The following GABRA2 variants were observed in gnomAD, a reference collection of about 807,000 sequenced individuals.
GABRA2 encodes gamma-aminobutyric acid receptor subunit alpha-2.
A neutral mutation model predicts 48.7 loss-of-function variants in GABRA2; 16 were observed. The observed-to-expected ratio is 0.33, with a 90% confidence interval of 0.22 to 0.50. The LOEUF is 0.50. Among genes scored for constraint, GABRA2 ranks in the 20% least tolerant of loss-of-function variants. The probability of loss-of-function intolerance (pLI) is 0.98; values close to 1 mark genes in which losing one functional copy is unlikely to be tolerated. For missense variants in GABRA2, 275 were observed against 535.6 expected (o/e 0.51, Z 4.80); for synonymous variants, 185 against 184.5 (o/e 1.00, Z -0.02).
intron 3 of GABRA2, among the ~76,000 whole-genome samples, chr4:46,343,630 C>G (rs1255243160): frequency 1.3e-5 from 2 of 151,934 alleles, no homozygotes; most frequent in Admixed American, 6.6e-5. Context: ...GAAACAGGCA[C>G]AGCTAACATG....
At chr4:46,285,051 G>T (rs1202307977) in intron 8 of GABRA2, among the ~76,000 whole-genome samples, 3 of 140,630 alleles carry the variant, frequency 2.1e-5, no homozygotes, top group African/African-American at 7.9e-5. Flanking sequence ...AAAAACCTCA[G>T]AAAACATTGA....
intron 8 of GABRA2, among the ~76,000 whole-genome samples, chr4:46,269,619 A>T (rs1718898598): frequency 6.6e-6 from 1 of 151,908 alleles, no homozygotes; most frequent in African/African-American, 2.4e-5. Flanking sequence ...TAGTAAAAAA[A>T]ATCAGAAAAG....
chr4:46,258,224 T>TGTAC lies in GABRA2; in HGVS notation c.1059+3698_1059+3701dup, dbSNP rs1250891211. On this transcript the variant is annotated intron_variant, in intron 9 of 9. Transcript: ENST00000381620. ...TGAGCACCTAATACATGTAAGAACC[T>TGTAC]GTACAAAATGCCAGAAAGAAGTGAT... Among the ~76,000 whole-genome samples, 13 of 151,880 alleles carry TGTAC rather than the reference T, an allele frequency of 8.6e-5. No homozygotes were observed. In the South Asian group the frequency reaches 2.7e-3, roughly 31 times the overall value.
At chr4:46,378,033 TG>T (rs1207127092) in intron 3 of GABRA2, among the ~76,000 whole-genome samples, 1 of 107,272 alleles carries the variant, frequency 9.3e-6, no homozygotes, top group Non-Finnish European at 1.9e-5. Flanking sequence ...GGGAGGGAGG[TG>T]GGGGGTTCAG....
Position 46,245,996 on chromosome 4 carries a change from AC to A in GABRA2, c.*4311del, listed in dbSNP as rs559397750. ...GATAATTAAGAATTTTAGCAAAAAA[AC>A]AAAATTATGATATATAATATTTATA... On this transcript the variant is annotated 3_prime_UTR_variant, in exon 10 of 10. Transcript: ENST00000381620. Among the ~76,000 whole-genome samples, 633 of 151,296 alleles carry A rather than the reference AC, an allele frequency of 4.2e-3. 3 individuals carry two copies. Among genetic ancestry groups the A allele is most frequent in the African/African-American group, 0.015 (612 of 41,440 alleles).
chr4:46,358,416 C>A (rs745517021), intron 3 of GABRA2, among the ~76,000 whole-genome samples: 1 of 152,092 alleles, frequency 6.6e-6, no homozygotes, highest in Non-Finnish European at 1.5e-5. Flanking sequence ...TTTTGTTTTG[C>A]AATACTGATG....
intron 3 of GABRA2, among the ~76,000 whole-genome samples, chr4:46,353,403 G>T (rs887392398): frequency 6.6e-6 from 1 of 152,070 alleles, no homozygotes; most frequent in African/African-American, 2.4e-5. Flanking sequence ...GGTCTGATAA[G>T]ATATAAGAAA....
chr4:46,293,452 C>T (rs1043946573), intron 8 of GABRA2, among the ~76,000 whole-genome samples: 2 of 152,140 alleles, frequency 1.3e-5, no homozygotes, highest in African/African-American at 4.8e-5. Flanking sequence ...TCTGAGTTGA[C>T]GTTGATTCCA....
Position 46,244,808 on chromosome 4 carries a change from A to G in GABRA2, c.*5500T>C, listed in dbSNP as rs534299182. Reference sequence around the variant, plus strand: ...ACTGCAATATATTCCCAGAAACTAAATTGTACCAAAGAAGTTAGTAAATAG... The same window carrying G: ...ACTGCAATATATTCCCAGAAACTAAGTTGTACCAAAGAAGTTAGTAAATAG... On this transcript the variant is annotated 3_prime_UTR_variant, in exon 10 of 10. Transcript: ENST00000381620. 5.1e-4 allele frequency among the ~76,000 whole-genome samples: 78 copies of G among 151,558 alleles called. No homozygotes were observed. Among genetic ancestry groups the G allele is most frequent in the African/African-American group, 1.8e-3 (76 of 41,508 alleles).
At chr4:46,365,339 T>A (rs1328200433) in intron 3 of GABRA2, 1 of 152,084 alleles carries the variant, frequency 6.6e-6, no homozygotes, top group African/African-American at 2.4e-5. Flanking sequence ...TTAAAGGGCA[T>A]CCCACAAAGG....
chr4:46,384,341 G>A (rs1578246273), intron 3 of GABRA2, among the ~76,000 whole-genome samples: 3 of 152,232 alleles, frequency 2.0e-5, no homozygotes, highest in Non-Finnish European at 4.4e-5. Context: ...GGAAGGAAGA[G>A]AATAACTCAA....
intron 8 of GABRA2, among the ~76,000 whole-genome samples, chr4:46,273,502 C>CATATATAT (rs71637683): frequency 3.1e-3 from 150 of 48,042 alleles, no homozygotes; most frequent in East Asian, 0.016. Context: ...TATATATATG[C>CATATATAT]ATATATATAT....
In GABRA2 at chr4:46,247,868, A is replaced by C. The variant is rs573282375; in HGVS notation, c.*2440T>G. On this transcript the variant is annotated 3_prime_UTR_variant, in exon 10 of 10. Transcript: ENST00000381620. ...TTATTTAAACATTAAAAGAAGAAGA[A>C]ATATGTAAAAAGTACATCAAAGTTT... 1.3e-5 allele frequency among the ~76,000 whole-genome samples: 2 copies of C among 151,436 alleles called. No homozygotes were observed. The highest frequency in any genetic ancestry group is 4.8e-5 in the African/African-American group (2 of 41,468).
intron 8 of GABRA2, among the ~76,000 whole-genome samples, chr4:46,300,700 C>T (rs919584972): frequency 5.3e-5 from 8 of 151,936 alleles, no homozygotes; most frequent in African/African-American, 1.9e-4. Context: ...TTATTAATAG[C>T]AACACTATCC....
At chr4:46,290,031 C>T (rs1479897729) in intron 8 of GABRA2, among the ~76,000 whole-genome samples, 10 of 151,002 alleles carry the variant, frequency 6.6e-5, no homozygotes, top group Non-Finnish European at 1.5e-4. Context: ...CCTGCCTCAG[C>T]CTCCAGAGTA....
chr4:46,307,704 T>C (rs898307881), intron 6 of GABRA2, among the ~76,000 whole-genome samples: 11 of 152,138 alleles, frequency 7.2e-5, no homozygotes, highest in Admixed American at 2.6e-4. Context: ...TTTACTGCTA[T>C]GGAAGATGGA....
At chr4:46,296,426 A>C (rs1053648174) in intron 8 of GABRA2, among the ~76,000 whole-genome samples, 1 of 152,144 alleles carries the variant, frequency 6.6e-6, no homozygotes, top group South Asian at 2.1e-4. Context: ...AGTCAACAGA[A>C]TAAGAAGGGA....
intron 3 of GABRA2, among the ~76,000 whole-genome samples, chr4:46,344,004 A>G (rs572030047): frequency 6.6e-6 from 1 of 152,104 alleles, no homozygotes; most frequent in South Asian, 2.1e-4. Flanking sequence ...TGACAGGAGT[A>G]CAGAACAATG....
In GABRA2 at chr4:46,330,561, T is replaced by C. The variant is rs559633686; in HGVS notation, c.255+2054A>G. Among the ~76,000 whole-genome samples, 8 of 57,142 alleles carry C rather than the reference T, an allele frequency of 1.4e-4. No homozygotes were observed. In the South Asian group the frequency reaches 5.0e-3, roughly 36 times the overall value. 37.5% of individuals were successfully genotyped at this position (57,142 alleles called of 152,430 possible). On this transcript the variant is annotated intron_variant, in intron 4 of 9. Coordinates refer to ENST00000381620, the MANE Select transcript of GABRA2 (RefSeq NM_000807.4). The stretch of plus-strand genomic sequence containing the variant: ...ATGTTTGCATTTATGTATGTATATA[T>C]GCATATATATATATATATATATATA...
Sources: gnomAD v4.1 joint callset for allele counts (sites outside exome capture counted in the v4.1 genomes callset) on GRCh38, gnomAD v4.1.1 for gene constraint, MANE v1.5 for transcripts, NCBI Gene and HGNC (gene_info 2026-07-23, HGNC 2026-07-21) for gene names.